The following B4GALT6 variants were observed in gnomAD, a reference collection of about 807,000 sequenced individuals.
B4GALT6 encodes UDP-Gal:beta-GlcNAc beta-1,4-galactosyltransferase 6.
B4GALT6 carries 14 observed loss-of-function variants against 46.3 expected under a neutral mutation model. That is an observed-to-expected ratio of 0.30 (90% CI 0.20 to 0.47). B4GALT6 has a LOEUF of 0.47. Ranked by LOEUF, B4GALT6 falls within the 20% of genes least tolerant of loss-of-function variation. The probability of loss-of-function intolerance (pLI) is 0.99; values close to 1 mark genes in which losing one functional copy is unlikely to be tolerated. For missense variants in B4GALT6, 386 were observed against 480.1 expected, an observed-to-expected ratio of 0.80 and a Z score of 1.83; for synonymous variants, 168 against 162.0, an observed-to-expected ratio of 1.04 and a Z score of -0.28.
At chr18:31,659,948 CCTTTT>C (rs2074192102) in intron 2 of B4GALT6, among the ~76,000 whole-genome samples, 1 of 141,702 alleles carries the variant, frequency 7.1e-6, no homozygotes, top group Non-Finnish European at 1.5e-5. Context: ...TGATTCTTTT[CCTTTT>C]TTTTTTTTTT....
chr18:31,657,943 A>T, intron 3 of B4GALT6, 33 bp downstream of exon 3: 1 of 1,536,472 alleles, frequency 6.5e-7, no homozygotes, highest in Non-Finnish European at 9.0e-7. Context: ...TAACACAAGT[A>T]AACAGTTAAG....
At chr18:31,683,470 G>T (rs1186921873) in intron 1 of B4GALT6, among the ~76,000 whole-genome samples, 1 of 152,196 alleles carries the variant, frequency 6.6e-6, no homozygotes, top group Non-Finnish European at 1.5e-5. Flanking sequence ...ATATGCATGT[G>T]AAGTTCATAA....
At position 31,631,027 on chromosome 18, in the gene B4GALT6, G is replaced by C; in HGVS notation, c.708C>G (p.Asp236Glu). The C allele has an allele frequency of 6.2e-7, 1 of 1,614,116 alleles. No homozygotes were observed. The highest frequency in any genetic ancestry group is 8.5e-7 in the Non-Finnish European group (1 of 1,180,020). Residue 236 changes from aspartate to glutamate, a missense_variant, in exon 6 of 9, where the codon GAC becomes GAG. This residue lies in a region of B4GALT6 where 323 missense variants were observed against 438.9 expected (regional missense o/e 0.74). Coordinates refer to ENST00000306851, the MANE Select transcript of B4GALT6 (RefSeq NM_004775.5). Reference protein sequence around the residue: ...FHDVDHLPENDRNYYGCGEMP... With the variant: ...FHDVDHLPENERNYYGCGEMP... ...TTTCTCCACATCCGTAATAGTTCCG[G>C]TCATTTTCAGGTAGATGATCCACAT... is the stretch of plus-strand genomic sequence containing the variant.
chr18:31,641,334 T>C (rs2073928766), intron 4 of B4GALT6, among the ~76,000 whole-genome samples: 1 of 152,218 alleles, frequency 6.6e-6, no homozygotes, highest in Non-Finnish European at 1.5e-5. Context: ...TCTTGGCAAA[T>C]TCAAATAAGC....
At position 31,626,299 on chromosome 18, in the gene B4GALT6, C is replaced by A; in HGVS notation, c.985G>T (p.Val329Phe). 1.3e-6 allele frequency: 2 copies of A among 1,591,186 alleles called. No individual in the cohort carries two copies. The highest frequency in any genetic ancestry group is 1.7e-6 in the Non-Finnish European group (2 of 1,166,270). ...KSIPHHHRGE[V>F]QFLGRYKLLR... ...TCAACTTACCGTCCTAAAAACTGGA[C>A]TTCACCTCTATGGTGATGAGGAATT... Residue 329 changes from valine (V) to phenylalanine (F), a missense_variant, in exon 8 of 9, where the codon GTC (valine) becomes TTC (phenylalanine). Around this residue, in one of 2 missense-constraint regions of B4GALT6, gnomAD observed 323 missense variants for 438.9 expected, o/e 0.74. Transcript: ENST00000306851.
chr18:31,690,955 A>G, the B4GALT6 span, among the ~76,000 whole-genome samples: 39 of 152,072 alleles, frequency 2.6e-4, no homozygotes, highest in South Asian at 3.3e-3. Context: ...GTGAGAACAC[A>G]GGGAGGGGAA....
the B4GALT6 span, among the ~76,000 whole-genome samples, chr18:31,699,652 A>AAC: frequency 4.0e-5 from 6 of 151,378 alleles, no homozygotes; most frequent in African/African-American, 1.5e-4. Flanking sequence ...AAAAAAAAAA[A>AAC]AAAAAACCTG....
intron 1 of B4GALT6, among the ~76,000 whole-genome samples, chr18:31,678,881 G>A (rs2074447705): frequency 1.3e-5 from 2 of 152,232 alleles, no homozygotes; most frequent in Admixed American, 6.5e-5. Flanking sequence ...AGAACCATCA[G>A]AGATGAGGCC....
chr18:31,689,824 C>T (rs2030050813), upstream of B4GALT6, among the ~76,000 whole-genome samples: 1 of 152,152 alleles, frequency 6.6e-6, no homozygotes, highest in South Asian at 2.1e-4. Context: ...GGAAATCAGT[C>T]TTGGCACCTA....
chr18:31,700,685 T>C, the B4GALT6 span, among the ~76,000 whole-genome samples: 5 of 152,022 alleles, frequency 3.3e-5, no homozygotes, highest in African/African-American at 4.8e-5. Context: ...CTCGATCTTC[T>C]GATCTCGTGA....
chr18:31,683,707 G>A (rs1223318549), intron 1 of B4GALT6, among the ~76,000 whole-genome samples: 4 of 152,080 alleles, frequency 2.6e-5, no homozygotes, highest in Non-Finnish European at 5.9e-5. Context: ...GGTAGCAAAG[G>A]CAACGTACCC....
intron 3 of B4GALT6, among the ~76,000 whole-genome samples, chr18:31,650,305 G>A (rs1175281546): frequency 1.3e-5 from 2 of 152,226 alleles, no homozygotes; most frequent in African/African-American, 2.4e-5. Context: ...CATGGGTCAC[G>A]TTTATGGCCA....
chr18:31,718,710 A>AGC, the B4GALT6 span, among the ~76,000 whole-genome samples: 2 of 152,180 alleles, frequency 1.3e-5, no homozygotes, highest in African/African-American at 4.8e-5. Context: ...TGAGAGAAGA[A>AGC]GCCGCTACCA....
chr18:31,667,004 G>A (rs2074290672), intron 1 of B4GALT6, among the ~76,000 whole-genome samples: 1 of 152,126 alleles, frequency 6.6e-6, no homozygotes, highest in Non-Finnish European at 1.5e-5. Context: ...TTTTAAAGCA[G>A]CTCAATTTAA....
At chr18:31,722,790 G>A in the B4GALT6 span, among the ~76,000 whole-genome samples, 8 of 152,210 alleles carry the variant, frequency 5.3e-5, no homozygotes, top group African/African-American at 7.2e-5. Context: ...CTATGATCCC[G>A]TTCTTAGTGG....
intron 3 of B4GALT6, among the ~76,000 whole-genome samples, chr18:31,656,177 A>G (rs578087629): frequency 2.6e-5 from 4 of 152,314 alleles, no homozygotes; most frequent in African/African-American, 9.6e-5. Flanking sequence ...TTTATTATTG[A>G]TATATAATAT....
intron 4 of B4GALT6, among the ~76,000 whole-genome samples, chr18:31,639,330 G>A (rs2073901891): frequency 6.6e-6 from 1 of 152,044 alleles, no homozygotes; most frequent in Admixed American, 6.6e-5. Context: ...TAACTTCCTG[G>A]ATTTTGAATT....
the B4GALT6 span, among the ~76,000 whole-genome samples, chr18:31,710,801 T>C: frequency 1.5e-5 from 1 of 67,560 alleles, no homozygotes; most frequent in East Asian, 4.0e-4. Flanking sequence ...ATCTACTCAG[T>C]TTCCTGAATA....
chr18:31,703,842 G>C, the B4GALT6 span, among the ~76,000 whole-genome samples: 5 of 152,196 alleles, frequency 3.3e-5, no homozygotes, highest in African/African-American at 1.2e-4. Context: ...AAAGCTCTGA[G>C]CTCAAGTATT....
Sources: gnomAD v4.1 joint callset for allele counts (sites outside exome capture counted in the v4.1 genomes callset) on GRCh38, gnomAD v4.1.1 for gene constraint, gnomAD v4.1.1 regional missense constraint, MANE v1.5 for transcripts, NCBI Gene and HGNC (gene_info 2026-07-23, HGNC 2026-07-21) for gene names.